The following UTP20 variants were observed in gnomAD, a reference collection of about 807,000 sequenced individuals.
UTP20 encodes the protein small subunit processome component 20 homolog.
A neutral mutation model predicts 329.5 loss-of-function variants in UTP20; 164 were observed. The observed-to-expected ratio is 0.50, with a 90% confidence interval of 0.44 to 0.57. UTP20 has a LOEUF of 0.57. Among genes scored for constraint, UTP20 ranks in the 20% least tolerant of loss-of-function variants. The pLI is 0.00. For missense variants in UTP20, 3,055 were observed against 3,284.2 expected (o/e 0.93, Z 1.71); for synonymous variants, 1,151 against 1,159.3 (o/e 0.99, Z 0.14).
At chr12:101,346,647 A>G in intron 38 of UTP20, 59 bp downstream of exon 38, 2 of 1,488,138 alleles carry the variant, frequency 1.3e-6, no homozygotes, top group Non-Finnish European at 1.8e-6. Flanking sequence ...ACACTTTGCC[A>G]GAATATACAT....
At chr12:101,379,802 C>T (rs955299148) in intron 57 of UTP20, among the ~76,000 whole-genome samples, 1 of 152,002 alleles carries the variant, frequency 6.6e-6, no homozygotes, top group African/African-American at 2.4e-5. Flanking sequence ...GCATGCCCAT[C>T]TTCCATTATA....
At chr12:101,363,796 C>T (rs113687981) in intron 45 of UTP20, 53 bp downstream of exon 45, 14 of 1,235,332 alleles carry the variant, frequency 1.1e-5, no homozygotes, top group Non-Finnish European at 1.5e-5. Context: ...CTCATGAGTT[C>T]CTAAAAGGAA....
At chr12:101,351,353 CTGACCTTG>C (rs1869514752) in intron 38 of UTP20, among the ~76,000 whole-genome samples, 1 of 152,084 alleles carries the variant, frequency 6.6e-6, no homozygotes, top group Non-Finnish European at 1.5e-5. Flanking sequence ...TCTTGAACTC[CTGACCTTG>C]TGATCCACCA....
intron 47 of UTP20, 64 bp downstream of exon 47, chr12:101,366,763 T>C (rs181552333): frequency 7.0e-5 from 109 of 1,556,440 alleles, no homozygotes; most frequent in Non-Finnish European, 1.7e-6. Flanking sequence ...TAGTCTTCTG[T>C]TGAATTTCTA....
At chr12:101,381,848 A>T (rs1479715374) in intron 58 of UTP20, among the ~76,000 whole-genome samples, 11 of 151,142 alleles carry the variant, frequency 7.3e-5, no homozygotes. Flanking sequence ...GTGAAACTTC[A>T]TCTCTACTAA....
At position 101,356,534 on chromosome 12, in the gene UTP20, A is replaced by G; in HGVS notation, c.5395-20A>G. 6.3e-7 allele frequency: 1 copy of G among 1,591,340 alleles called. No individual in the cohort carries two copies. Among genetic ancestry groups the G allele is most frequent in the Non-Finnish European group, 8.6e-7 (1 of 1,169,468 alleles). ...GATCCATTTATTTTCATTTTAGCTT[A>G]ACCTAAATTTTTCTTACAGACTAAA... is the stretch of plus-strand genomic sequence containing the variant. On this transcript the variant is annotated intron_variant, in intron 41 of 61. Transcript: ENST00000261637.
intron 38 of UTP20, among the ~76,000 whole-genome samples, chr12:101,351,526 CTTTTTTT>C (rs753646442): frequency 1.7e-5 from 2 of 117,874 alleles, no homozygotes; most frequent in African/African-American, 3.3e-5. Context: ...AGGCAGTGTA[CTTTTTTT>C]TTTTTTTTTT....
At chr12:101,333,861 G>A (rs1176557798) in intron 28 of UTP20, among the ~76,000 whole-genome samples, 1 of 152,054 alleles carries the variant, frequency 6.6e-6, no homozygotes, top group South Asian at 2.1e-4. Flanking sequence ...ATGGAGTTTC[G>A]CCATGTTGGC....
At position 101,366,632 on chromosome 12, in the gene UTP20, G is replaced by C. The variant is rs777621371; in HGVS notation, c.6200G>C (p.Arg2067Pro). The change falls in exon 47 of 62, where the codon CGA becomes CCA. Residue 2067 changes from arginine (R) to proline (P), a missense_variant. Physicochemically the swap from Arg to Pro is moderately radical, Grantham distance 103. This residue lies in a region of UTP20 where 2,445 missense variants were observed against 2,575.5 expected (regional missense o/e 0.95). Transcript: ENST00000261637. ...CTTCTGCTTCCCCCAACTCCAGTTC[G>C]AGGTGGACAGAAAGCTGTTGTGAGC... The part of the protein sequence containing the change: ...SCLLLPPTPV[R>P]GGQKAVVSRK... 10 of 1,614,118 alleles carry C rather than the reference G, an allele frequency of 6.2e-6. No individual in the cohort carries two copies. Among genetic ancestry groups the C allele is most frequent in the Non-Finnish European group, 7.6e-6 (9 of 1,180,030 alleles).
At chr12:101,287,295 C>A (rs703712) in intron 5 of UTP20, among the ~76,000 whole-genome samples, 2 of 152,160 alleles carry the variant, frequency 1.3e-5, no homozygotes, top group African/African-American at 2.4e-5. Context: ...TTTTTCCAGC[C>A]TTTACTAGTT....
At chr12:101,359,501 GTATATATA>G (rs113405115) in intron 43 of UTP20, among the ~76,000 whole-genome samples, 1 of 147,702 alleles carries the variant, frequency 6.8e-6, no homozygotes, top group African/African-American at 2.5e-5. Flanking sequence ...ATGTGTGTGT[GTATATATA>G]TATATATATA....
Position 101,371,083 on chromosome 12 carries a change from T to C in UTP20, c.6713T>C (p.Val2238Ala), listed in dbSNP as rs1330876766. The C allele has an allele frequency of 6.2e-7, 1 of 1,614,032 alleles. No homozygotes were observed. Among genetic ancestry groups the C allele is most frequent in the Admixed American group, 1.7e-5 (1 of 59,978 alleles). ...LKAILSRKLL[V>A]PEIDEVMRKV... The stretch of plus-strand genomic sequence containing the variant: ...GCAATTTTATCAAGAAAGCTGTTGG[T>C]CCCAGAAATCGATGAGGTCATGCGG... The change falls in exon 51 of 62, where the codon GTC becomes GCC. Residue 2238 changes from valine (V) to alanine (A), a missense_variant. Transcript: ENST00000261637.
intron 18 of UTP20, 90 bp from the exon 19 acceptor site, chr12:101,309,673 G>A (rs1195086886): frequency 1.4e-5 from 18 of 1,308,262 alleles, no homozygotes; most frequent in Non-Finnish European, 1.9e-5. Flanking sequence ...CAAACCTCAG[G>A]TTGTCCAACT....
At chr12:101,286,240 A>T in intron 4 of UTP20, 81 bp from the exon 5 acceptor site, 1 of 1,278,486 alleles carries the variant, frequency 7.8e-7, no homozygotes, top group East Asian at 2.3e-5. Flanking sequence ...TCCTATGATC[A>T]TAGGCCACCT....
chr12:101,301,915 T>A (rs571180044), intron 14 of UTP20, among the ~76,000 whole-genome samples: 1 of 152,166 alleles, frequency 6.6e-6, no homozygotes, highest in South Asian at 2.1e-4. Context: ...ATTCTCTACT[T>A]CTGAGTATTT....
chr12:101,282,101 A>C (rs1211729875), intron 2 of UTP20, among the ~76,000 whole-genome samples: 1 of 152,150 alleles, frequency 6.6e-6, no homozygotes, highest in Non-Finnish European at 1.5e-5. Context: ...TGGCGATCCA[A>C]TCTCAGTTCG....
intron 14 of UTP20, among the ~76,000 whole-genome samples, chr12:101,301,346 C>T (rs1020213100): frequency 1.6e-4 from 6 of 37,288 alleles, no homozygotes; most frequent in African/African-American, 1.3e-3. Context: ...ATAGTGAGAG[C>T]CCCCCCCGCC....
chr12:101,327,888 G>T (rs1868620766), intron 26 of UTP20, among the ~76,000 whole-genome samples: 1 of 150,702 alleles, frequency 6.6e-6, no homozygotes, highest in Admixed American at 6.6e-5. Context: ...TTATAACTCA[G>T]TTGATCCTTC....
chr12:101,297,974 A>G (rs1872411728), intron 12 of UTP20, among the ~76,000 whole-genome samples: 1 of 152,080 alleles, frequency 6.6e-6, no homozygotes, highest in South Asian at 2.1e-4. Flanking sequence ...CCCAACGGAG[A>G]TATGGTATGT....
Sources: gnomAD v4.1 joint callset for allele counts (sites outside exome capture counted in the v4.1 genomes callset) on GRCh38, gnomAD v4.1.1 for gene constraint, gnomAD v4.1.1 regional missense constraint, MANE v1.5 for transcripts, NCBI Gene and HGNC (gene_info 2026-07-23, HGNC 2026-07-21) for gene names.